NAT10: variants seen among roughly 807,000 people sequenced by gnomAD.
NAT10 encodes the protein N-acetyltransferase 10, also known as RNA cytidine acetyltransferase.
In NAT10, 109 loss-of-function variants were observed where a neutral mutation model predicts 132.2. That is an observed-to-expected ratio of 0.82 (90% CI 0.71 to 0.97). The LOEUF (loss-of-function observed/expected upper bound fraction) is 0.97, where lower values mean the gene tolerates loss of function less well. Ranked by LOEUF, NAT10 falls within the 50% of genes least tolerant of loss-of-function variation. NAT10 has a pLI of 0.00. For synonymous variants in NAT10, 479 were observed against 478.0 expected (o/e 1.00, Z -0.03); for missense variants, 1,184 against 1,263.4 (o/e 0.94, Z 0.95).
chr11:34,112,664 G>A (rs1195366422), intron 4 of NAT10, among the ~76,000 whole-genome samples: 5 of 152,152 alleles, frequency 3.3e-5, no homozygotes. Flanking sequence ...CCACCATGAA[G>A]GCCCCTCTCC....
At chr11:34,138,504 G>T (rs1322726651) in intron 21 of NAT10, among the ~76,000 whole-genome samples, 1 of 152,202 alleles carries the variant, frequency 6.6e-6, no homozygotes, top group Non-Finnish European at 1.5e-5. Flanking sequence ...GCAGGGAGCT[G>T]CAGAGATGGG....
In NAT10 at chr11:34,141,814, C is replaced by T. The variant is rs1852338849; in HGVS notation, c.2808C>T (p.Asp936=). ...CCACGATGAAGACCCTCAGTGACGA[C>T]CTAGTATGTCCCTGCTCATGGCCTC... ...MEPTMKTLSD[D]LDEAAKEFQE... is the part of the protein sequence containing the mutation. Residue 936 remains aspartate (D), a synonymous_variant, in exon 26 of 29, where the codon GAC becomes GAT. Coordinates refer to ENST00000257829, the MANE Select transcript of NAT10 (RefSeq NM_024662.3). 1.2e-6 allele frequency: 2 copies of T among 1,613,002 alleles called. No homozygotes were observed. Among genetic ancestry groups the T allele is most frequent in the African/African-American group, 2.7e-5 (2 of 75,016 alleles).
At chr11:34,117,354 G>A (rs370369572) in intron 6 of NAT10, among the ~76,000 whole-genome samples, 3 of 152,182 alleles carry the variant, frequency 2.0e-5, no homozygotes, top group South Asian at 2.1e-4. Context: ...TGTTTTGATC[G>A]TAATGACTTT....
intron 6 of NAT10, among the ~76,000 whole-genome samples, chr11:34,116,590 T>TGTA (rs1330513449): frequency 6.6e-6 from 1 of 151,598 alleles, no homozygotes; most frequent in Non-Finnish European, 1.5e-5. Context: ...GCTAATTTTT[T>TGTA]GTATTATTAT....
intron 21 of NAT10, 28 bp from the exon 22 acceptor site, chr11:34,139,163 G>A: frequency 6.3e-7 from 1 of 1,596,588 alleles, no homozygotes; most frequent in Non-Finnish European, 8.6e-7. Flanking sequence ...GGGGTTCTTG[G>A]TGCCAGTTAA....
In NAT10 at chr11:34,133,108, A is replaced by T. The variant is rs1459714199; in HGVS notation, c.1700A>T (p.Gln567Leu). Reference protein sequence around the residue: ...FCLLPPVPPTQNALPEVLAVI... With the variant: ...FCLLPPVPPTLNALPEVLAVI... ...CTTCTGCCTCCCGTGCCCCCCACCC[A>T]GAATGCCCTTCCAGAAGTGCTTGCT... Residue 567 changes from glutamine (Q) to leucine (L), a missense_variant, in exon 16 of 29, where the codon CAG becomes CTG. Transcript: ENST00000257829. The T allele has an allele frequency of 6.2e-7, 1 of 1,614,114 alleles. No individual in the cohort carries two copies. The highest frequency in any genetic ancestry group is 8.5e-7 in the Non-Finnish European group (1 of 1,179,982).
chr11:34,129,158 C>T (rs1208117282), intron 12 of NAT10, among the ~76,000 whole-genome samples: 1 of 152,162 alleles, frequency 6.6e-6, no homozygotes, highest in African/African-American at 2.4e-5. Flanking sequence ...TAGGGATACA[C>T]CTAGGAGTGA....
rs1851913550 is a variant in NAT10 at position 34,122,593 on chromosome 11, G to C, written c.914+1G>C. On this transcript the variant is annotated splice_donor_variant, in intron 9 of 28. Coordinates refer to ENST00000257829, the MANE Select transcript of NAT10 (RefSeq NM_024662.3). LOFTEE classifies it high-confidence loss of function. The stretch of plus-strand genomic sequence containing the variant: ...CGATTGCTGGGGCGGTGGCATTTGG[G>C]TAAGGGGATTCAGTCCCCCATCTTT... The C allele has an allele frequency of 6.2e-7, 1 of 1,613,910 alleles. No homozygotes were observed. Among genetic ancestry groups the C allele is most frequent in the Non-Finnish European group, 8.5e-7 (1 of 1,179,926 alleles).
At chr11:34,138,501 G>A (rs1852260124) in intron 21 of NAT10, among the ~76,000 whole-genome samples, 1 of 152,210 alleles carries the variant, frequency 6.6e-6, no homozygotes, top group South Asian at 2.1e-4. Flanking sequence ...CAGGCAGGGA[G>A]CTGCAGAGAT....
At position 34,124,318 on chromosome 11, in the gene NAT10, A is replaced by G; in HGVS notation, c.1025A>G (p.Glu342Gly). 6.2e-7 allele frequency: 1 copy of G among 1,611,210 alleles called. No homozygotes were observed. The highest frequency in any genetic ancestry group is 8.5e-7 in the Non-Finnish European group (1 of 1,177,850). Residue 342 changes from glutamate (E) to glycine (G), a missense_variant, in exon 11 of 29, where the codon GAG (glutamate) becomes GGG (glycine). Glu to Gly is a moderately conservative substitution (Grantham distance 98). Transcript: ENST00000257829. ...ALQYQEHLDYEIIQSLNPEFN... is the reference protein window; with the variant it reads ...ALQYQEHLDYGIIQSLNPEFN... ...CCCCACCAGGAACATCTGGATTATG[A>G]GATTATCCAGTCTCTAAATCCTGAA... is the stretch of plus-strand genomic sequence containing the variant.
intron 9 of NAT10, 124 bp from the exon 10 acceptor site, chr11:34,123,638 C>A (rs1851934912): frequency 4.6e-6 from 3 of 652,752 alleles, no homozygotes; most frequent in Non-Finnish European, 2.5e-6. Flanking sequence ...CTGACTTTTT[C>A]CCTTGCTGTT....
chr11:34,144,251 A>G (rs959645055), intron 28 of NAT10, among the ~76,000 whole-genome samples: 6 of 152,228 alleles, frequency 3.9e-5, no homozygotes, highest in Non-Finnish European at 8.8e-5. Context: ...CCTGCGCAAC[A>G]TAGCAGACCC....
intron 24 of NAT10, 108 bp from the exon 25 acceptor site, chr11:34,140,981 A>G: frequency 6.9e-7 from 1 of 1,452,098 alleles, no homozygotes; most frequent in South Asian, 1.2e-5. Flanking sequence ...GTGCTAGTCT[A>G]CCTTTGTACC....
chr11:34,127,797 G>T (rs948979230), intron 12 of NAT10, among the ~76,000 whole-genome samples, 198 bp downstream of exon 12: 1 of 152,178 alleles, frequency 6.6e-6, no homozygotes, highest in South Asian at 2.1e-4. Flanking sequence ...TCTCTGGCCC[G>T]ACATGAAATG....
chr11:34,131,847 G>C (rs949208347), intron 14 of NAT10, among the ~76,000 whole-genome samples: 9 of 151,848 alleles, frequency 5.9e-5, no homozygotes, highest in Non-Finnish European at 1.2e-4. Context: ...CACCACGTCT[G>C]GCTAATTTTT....
chr11:34,132,497 G>T (rs1373027034), intron 15 of NAT10, among the ~76,000 whole-genome samples: 1 of 140,644 alleles, frequency 7.1e-6, no homozygotes, highest in Non-Finnish European at 1.7e-5. Context: ...TGCAGTTGTG[G>T]CCCGGTGGTG....
chr11:34,111,734 G>A (rs988205020), intron 3 of NAT10, among the ~76,000 whole-genome samples: 1 of 152,180 alleles, frequency 6.6e-6, no homozygotes, highest in Non-Finnish European at 1.5e-5. Context: ...ACTCAGGTTT[G>A]GTTTCAAGCT....
rs952084482 is a variant in NAT10, at chr11:34,146,308, C to T, written c.*116C>T. On this transcript the variant is annotated 3_prime_UTR_variant, in exon 29 of 29. Coordinates refer to ENST00000257829, the MANE Select transcript of NAT10 (RefSeq NM_024662.3). ...GGCCCCGGCACACCTGGAAGCTGGC[C>T]GCGAATTCGGCCTCTGGGCCTGTGT... The T allele has an allele frequency of 2.8e-5, 21 of 741,674 alleles. No individual in the cohort carries two copies. The highest frequency in any genetic ancestry group is 2.1e-4 in the Admixed American group (7 of 32,928). 45.9% of individuals were successfully genotyped at this position (741,674 alleles called of 1,614,324 possible).
Position 34,117,396 on chromosome 11 carries a change from G to A in NAT10, c.558-784G>A, listed in dbSNP as rs146060707. The stretch of plus-strand genomic sequence containing the variant: ...GTGGTGGTGGGTGCCGTGGGCATCC[G>A]GTGGGTAGAGGCCAGGGATGCTGCT... On this transcript the variant is annotated intron_variant, in intron 6 of 28. Coordinates refer to ENST00000257829, the MANE Select transcript of NAT10 (RefSeq NM_024662.3). Among the ~76,000 whole-genome samples the A allele has an allele frequency of 4.3e-3, 655 of 152,276 alleles. 6 individuals carry two copies. Among genetic ancestry groups the A allele is most frequent in the African/African-American group, 0.015 (613 of 41,556 alleles).
Sources: allele counts gnomAD v4.1 joint callset (sites outside exome capture counted in the v4.1 genomes callset), GRCh38; gene constraint gnomAD v4.1.1; transcripts MANE v1.5; gene names NCBI Gene and HGNC (gene_info 2026-07-23, HGNC 2026-07-21).